ARVCF: variants seen among roughly 807,000 people sequenced by gnomAD.
ARVCF encodes the protein ARVCF delta catenin family member, also known as splicing regulator ARVCF.
In ARVCF, 66 loss-of-function variants were observed where a neutral mutation model predicts 90.9. That is an observed-to-expected ratio of 0.73 (90% CI 0.60 to 0.89). The LOEUF is 0.89. ARVCF is among the 40% of genes least tolerant of loss of function. ARVCF has a pLI of 0.00. For missense variants in ARVCF, 1,469 were observed against 1,382.3 expected (o/e 1.06, Z -1.00); for synonymous variants, 653 against 603.4 (o/e 1.08, Z -1.21).
chr22:19,966,956 G>C (rs1415713322), downstream of ARVCF: 2 of 985,278 alleles, frequency 2.0e-6, no homozygotes, highest in Non-Finnish European at 2.4e-6. Context: ...TTTCAGTCCT[G>C]CTCAGACGCT....
At chr22:19,972,036 C>T (rs1409129937) in intron 17 of ARVCF, 65 bp from the exon 18 acceptor site, 11 of 1,434,774 alleles carry the variant, frequency 7.7e-6, no homozygotes, top group East Asian at 4.6e-5. Context: ...AGCAGATCTC[C>T]CTCTCAGCCC....
intron 1 of ARVCF, 109 bp downstream of exon 1, chr22:20,016,480 G>C (rs1182109575): frequency 2.0e-5 from 3 of 152,162 alleles, no homozygotes; most frequent in Admixed American, 2.0e-4. Context: ...GACCCTGTCC[G>C]GACCGCTGCC....
chr22:19,969,811 A>G (rs960378844), downstream of ARVCF: 3 of 981,788 alleles, frequency 3.1e-6, no homozygotes, highest in Admixed American at 1.8e-4. Flanking sequence ...ACCTCCACCC[A>G]GGGCCCTGCC....
intron 2 of ARVCF, 27 bp from the exon 3 acceptor site, chr22:19,990,839 T>G (rs1164568947): frequency 1.3e-6 from 2 of 1,535,290 alleles, no homozygotes; most frequent in Non-Finnish European, 1.8e-6. Context: ...GTAAGCTCAG[T>G]GGGGTGGGGC....
intron 3 of ARVCF, among the ~76,000 whole-genome samples, chr22:19,982,751 T>C (rs2146326163): frequency 6.6e-6 from 1 of 152,290 alleles, no homozygotes; most frequent in South Asian, 2.1e-4. Flanking sequence ...AGCCCAGACA[T>C]TCTTGAGTGT....
Position 19,973,758 on chromosome 22 carries a change from C to T in ARVCF, c.2124G>A (p.Glu708=). The T allele has an allele frequency of 6.2e-7, 1 of 1,607,976 alleles. No homozygotes were observed. Among genetic ancestry groups the T allele is most frequent in the Non-Finnish European group, 8.5e-7 (1 of 1,179,924 alleles). The change falls in exon 13 of 20, where the codon GAG becomes GAA. Residue 708 remains glutamate, a synonymous_variant. Transcript: ENST00000263207. ...GTTCCACAAGCACCGGCAGCCCGCG[C>T]TCTTTGCGCACTGTGGCGCGGATGT... is the stretch of plus-strand genomic sequence containing the variant. ...ATYIRATVRK[E]RGLPVLVELL...
At chr22:19,968,980 T>C (rs981893856), downstream of ARVCF, 2 of 423,760 alleles carry the variant, frequency 4.7e-6, no homozygotes, top group African/African-American at 4.0e-5. Flanking sequence ...ACTAATATCA[T>C]GTTTTAAAAA....
At chr22:19,987,217 T>G in intron 3 of ARVCF, 1 of 246,620 alleles carries the variant, frequency 4.1e-6, no homozygotes, top group Non-Finnish European at 7.6e-6. Flanking sequence ...GGGGCGGATC[T>G]GGCGGCGGTC....
intron 2 of ARVCF, among the ~76,000 whole-genome samples, chr22:20,010,156 A>C (rs1944774460): frequency 6.6e-6 from 1 of 152,116 alleles, no homozygotes; most frequent in Non-Finnish European, 1.5e-5. Context: ...GAATGTCCAA[A>C]CCAACACTGA....
intron 2 of ARVCF, among the ~76,000 whole-genome samples, chr22:20,005,279 C>T (rs145896566): frequency 6.6e-6 from 1 of 151,038 alleles, no homozygotes; most frequent in African/African-American, 2.4e-5. Context: ...CCAACAAGCA[C>T]GTTAAAAAAT....
At chr22:19,974,020 T>C in intron 12 of ARVCF, 92 bp downstream of exon 12, 2 of 1,529,698 alleles carry the variant, frequency 1.3e-6, no homozygotes, top group Non-Finnish European at 1.8e-6. Context: ...GGCCCCTCCT[T>C]TCCCCGCCAG....
At chr22:19,992,101 G>A (rs757100681) in intron 2 of ARVCF, among the ~76,000 whole-genome samples, 1 of 152,206 alleles carries the variant, frequency 6.6e-6, no homozygotes, top group Non-Finnish European at 1.5e-5. Flanking sequence ...CCAGCAACAC[G>A]GTGCGGGGAC....
chr22:19,978,128 C>A, intron 7 of ARVCF, 53 bp from the exon 8 acceptor site: 1 of 1,520,414 alleles, frequency 6.6e-7, no homozygotes. Context: ...AACTCCCTGG[C>A]TCCACCCTGG....
At position 19,982,045 on chromosome 22, in the gene ARVCF, G is replaced by A. The variant is rs1445989889; in HGVS notation, c.257C>T (p.Ala86Val). The part of the protein sequence containing the change: ...SQASLATMPE[A>V]PDVLEETVTV... ...CACGGTCTCCTCCAGCACATCAGGT[G>A]CCTCCGGCATCGTGGCCAGTGAGGC... The change falls in exon 4 of 20, where the codon GCA becomes GTA. Residue 86 changes from alanine to valine, a missense_variant. Physicochemically the swap from Ala to Val is moderately conservative, Grantham distance 64. Transcript: ENST00000263207. 1.8e-5 allele frequency: 29 copies of A among 1,612,822 alleles called. No homozygotes were observed. The highest frequency in any genetic ancestry group is 1.7e-4 in the Middle Eastern group (1 of 6,056).
chr22:19,976,757 A>C (rs748795045), intron 9 of ARVCF, 34 bp from the exon 10 acceptor site: 2 of 1,555,964 alleles, frequency 1.3e-6, no homozygotes, highest in Non-Finnish European at 1.7e-6. Flanking sequence ...GAGAGAGGAG[A>C]GGAGCCTGAA....
At chr22:19,993,157 G>C in intron 2 of ARVCF, among the ~76,000 whole-genome samples, 1 of 152,094 alleles carries the variant, frequency 6.6e-6, no homozygotes, top group Admixed American at 6.5e-5. Flanking sequence ...CTGGGGGGAA[G>C]TGCCCTAGGC....
At chr22:19,974,487 C>A (rs952502941) in intron 11 of ARVCF, among the ~76,000 whole-genome samples, 6 of 152,112 alleles carry the variant, frequency 3.9e-5, no homozygotes, top group African/African-American at 1.4e-4. Flanking sequence ...ATCCAGGAGG[C>A]CTGGGGTGGG....
intron 11 of ARVCF, among the ~76,000 whole-genome samples, chr22:19,974,469 G>T (rs947755953): frequency 6.6e-6 from 1 of 152,124 alleles, no homozygotes; most frequent in African/African-American, 2.4e-5. Context: ...CTGCCTGGCA[G>T]CAGGAGCATC....
intron 2 of ARVCF, among the ~76,000 whole-genome samples, chr22:19,998,622 TCC>T (rs1226150215): frequency 3.3e-5 from 5 of 151,954 alleles, no homozygotes; most frequent in African/African-American, 7.3e-5. Flanking sequence ...GTTCCTGCTT[TCC>T]CCTCTGTTGT....
Sources: gnomAD v4.1 joint callset for allele counts (sites outside exome capture counted in the v4.1 genomes callset) on GRCh38, gnomAD v4.1.1 for gene constraint, MANE v1.5 for transcripts, NCBI Gene and HGNC (gene_info 2026-07-23, HGNC 2026-07-21) for gene names.